ITGB1BP1: variants seen among roughly 807,000 people sequenced by gnomAD.
ITGB1BP1 encodes integrin subunit beta 1 binding protein 1, also known as integrin beta-1-binding protein 1.
ITGB1BP1 carries 20 observed loss-of-function variants against 28.0 expected under a neutral mutation model. That is an observed-to-expected ratio of 0.71 (90% CI 0.50 to 1.04). ITGB1BP1 has a LOEUF of 1.04. ITGB1BP1 is among the 50% of genes least tolerant of loss of function. The pLI is 0.00. For synonymous variants in ITGB1BP1, 103 were observed against 89.5 expected, an observed-to-expected ratio of 1.15 and a Z score of -0.85; for missense variants, 228 against 242.5, an observed-to-expected ratio of 0.94 and a Z score of 0.40.
intron 3 of ITGB1BP1, among the ~76,000 whole-genome samples, chr2:9,413,844 C>T (rs1678773798): frequency 6.6e-6 from 1 of 152,150 alleles, no homozygotes. Context: ...CATCTTCTGC[C>T]ACCCCATTTC....
chr2:9,409,262 G>A (rs1239057932), intron 4 of ITGB1BP1, among the ~76,000 whole-genome samples: 5 of 152,168 alleles, frequency 3.3e-5, no homozygotes, highest in African/African-American at 7.2e-5. Context: ...GGAACCACTC[G>A]CCCACATTAA....
Position 9,423,425 on chromosome 2 carries a change from G to A in ITGB1BP1, c.-88C>T, listed in dbSNP as rs891843017. 2.6e-6 allele frequency: 3 copies of A among 1,145,008 alleles called. No homozygotes were observed. Among genetic ancestry groups the A allele is most frequent in the African/African-American group, 3.4e-5 (2 of 59,240 alleles). The allele number at this position is 1,145,008 out of a possible 1,614,324, so 70.9% of individuals were successfully genotyped here. On this transcript the variant is annotated 5_prime_UTR_variant, in exon 1 of 7. Transcript: ENST00000355346. ...TGCGGACTTCGGGGTCCGCGTGGGA[G>A]TGCCGCGGCCTTTGGCGCCCAGGCA...
At chr2:9,418,840 A>T in intron 1 of ITGB1BP1, 108 bp from the exon 2 acceptor site, 1 of 756,878 alleles carries the variant, frequency 1.3e-6, no homozygotes, top group Non-Finnish European at 2.2e-6. Context: ...GCAGTGGCAC[A>T]AACATGGCTC....
intron 1 of ITGB1BP1, chr2:9,419,931 C>A (rs902492487): frequency 3.1e-5 from 12 of 386,492 alleles, no homozygotes; most frequent in Admixed American, 1.3e-4. Context: ...AATAAGATAA[C>A]CTGATCAATT....
intron 2 of ITGB1BP1, among the ~76,000 whole-genome samples, chr2:9,416,570 C>T (rs1679175585): frequency 6.6e-6 from 1 of 152,204 alleles, no homozygotes; most frequent in Non-Finnish European, 1.5e-5. Context: ...AGATTGCAGA[C>T]TTGCAGCCCC....
chr2:9,406,564 A>C lies in ITGB1BP1; in HGVS notation c.*270T>G, dbSNP rs111827316. The C allele has an allele frequency of 1.0e-4, 41 of 409,358 alleles. No homozygotes were observed. Among genetic ancestry groups the C allele is most frequent in the South Asian group, 5.7e-4 (23 of 40,072 alleles). The allele number at this position is 409,358 out of a possible 1,614,324, so 25.4% of individuals were successfully genotyped here. A position where few individuals can be genotyped will look rare whatever the true frequency, so the allele number is the denominator to read the frequency against. On this transcript the variant is annotated 3_prime_UTR_variant, in exon 7 of 7. Coordinates refer to ENST00000355346, the MANE Select transcript of ITGB1BP1 (RefSeq NM_004763.5). ...CACTGAGTGGACCTCTGTGACACCT[A>C]GGCTTCTGTGACACTTAGGTTAAGC...
Position 9,408,150 on chromosome 2 carries a change from G to A in ITGB1BP1, c.344C>T (p.Ser115Phe). 1 of 1,598,750 alleles carries A rather than the reference G, an allele frequency of 6.3e-7. No individual in the cohort carries two copies. Among genetic ancestry groups the A allele is most frequent in the South Asian group, 1.1e-5 (1 of 90,670 alleles). Residue 115 changes from serine (S) to phenylalanine (F), a missense_variant, in exon 5 of 7, where the codon TCC becomes TTC. This residue lies in a region of ITGB1BP1 where 192 missense variants were observed against 181.6 expected (regional missense o/e 1.06). Coordinates refer to ENST00000355346, the MANE Select transcript of ITGB1BP1 (RefSeq NM_004763.5). ...PPEEEFIMGV[S>F]KYGIKVSTSD... ...TGTTGATACTTTTATGCCATACTTG[G>A]AAACTCCCATAATAAATTCTTCCTC...
At position 9,415,042 on chromosome 2, in the gene ITGB1BP1, G is replaced by A. The variant is rs547658077; in HGVS notation, c.73-786C>T. Among the ~76,000 whole-genome samples, 1 of 151,966 alleles carries A rather than the reference G, an allele frequency of 6.6e-6. No individual in the cohort carries two copies. Among genetic ancestry groups the A allele is most frequent in the South Asian group, 2.1e-4 (1 of 4,818 alleles). On this transcript the variant is annotated intron_variant, in intron 2 of 6. Coordinates refer to ENST00000355346, the MANE Select transcript of ITGB1BP1 (RefSeq NM_004763.5). The surrounding 1 kb of genome is among the most constrained non-coding windows in gnomAD (Gnocchi z 4.1). ...GTGGATCACCTGAGGACAGGAGTTC[G>A]AAACCAGCCTGGCCAACATGGTGAA...
chr2:9,412,787 C>G (rs1034235537), intron 3 of ITGB1BP1: 1 of 158,938 alleles, frequency 6.3e-6, no homozygotes, highest in Non-Finnish European at 1.4e-5. Context: ...CTACGTTGCC[C>G]AGGCTGGTCT....
chr2:9,412,252 G>T lies in ITGB1BP1; in HGVS notation c.288+17C>A, dbSNP rs776137075. 3 of 1,580,576 alleles carry T rather than the reference G, an allele frequency of 1.9e-6. No homozygotes were observed. In the Admixed American group the frequency reaches 5.2e-5, roughly 27 times the overall value. On this transcript the variant is annotated intron_variant, in intron 4 of 6. Transcript: ENST00000355346. ...AGACTCTCATAACCAGAGAGTTACG[G>T]AATTTTTTTTTTTTACCTGGGCAAC...
At position 9,406,085 on chromosome 2, in the gene ITGB1BP1, GTT is replaced by G. The variant is rs1491523449; in HGVS notation, c.*747_*748del. ...CGTCTTCCTCAGGCCTTCAGTGTGT[GTT>G]TGTCACTGAGTGGACCTCTGTGACA... On this transcript the variant is annotated 3_prime_UTR_variant, in exon 7 of 7. Transcript: ENST00000355346. 1.1e-4 allele frequency: 9 copies of G among 79,434 alleles called. No individual in the cohort carries two copies. The highest frequency in any genetic ancestry group is 2.9e-4 in the African/African-American group (6 of 20,696). 4.9% of individuals were successfully genotyped at this position (79,434 alleles called of 1,614,324 possible).
At chr2:9,419,061 G>T (rs1047327066) in intron 1 of ITGB1BP1, among the ~76,000 whole-genome samples, 2 of 152,126 alleles carry the variant, frequency 1.3e-5, no homozygotes, top group Non-Finnish European at 2.9e-5. Flanking sequence ...GCCAGGAAAA[G>T]CAACTTTGAT....
chr2:9,420,743 G>A (rs796222386), intron 1 of ITGB1BP1, among the ~76,000 whole-genome samples: 1 of 152,296 alleles, frequency 6.6e-6, no homozygotes, highest in African/African-American at 2.4e-5. Context: ...TAGTTTAAGA[G>A]GAATACTCTG....
intron 1 of ITGB1BP1, among the ~76,000 whole-genome samples, chr2:9,422,034 T>C (rs1053072117): frequency 5.9e-5 from 9 of 152,166 alleles, no homozygotes; most frequent in African/African-American, 1.9e-4. Context: ...AACTGATGAA[T>C]GTGATGGATC....
rs1677254182 is a variant in ITGB1BP1, at chr2:9,406,030, TGTGTC to T, written c.*799_*803del. 2.1e-5 allele frequency: 3 copies of T among 144,522 alleles called. No individual in the cohort carries two copies. Among genetic ancestry groups the T allele is most frequent in the Non-Finnish European group, 3.1e-5 (2 of 64,508 alleles). The allele number at this position is 144,522 out of a possible 1,614,324, so 9.0% of individuals were successfully genotyped here. Reference sequence around the variant, plus strand: ...CTCAGTCTTCCTCAGGCCTTCAGTGTGTGTCACTGAGTGGACCTCTGTGACATCTC... The same window carrying T: ...CTCAGTCTTCCTCAGGCCTTCAGTGTACTGAGTGGACCTCTGTGACATCTC... On this transcript the variant is annotated 3_prime_UTR_variant, in exon 7 of 7. Coordinates refer to ENST00000355346, the MANE Select transcript of ITGB1BP1 (RefSeq NM_004763.5).
In ITGB1BP1 at chr2:9,423,499, A is replaced by G. The variant is rs991868185; in HGVS notation, c.-162T>C. On this transcript the variant is annotated 5_prime_UTR_variant, in exon 1 of 7. Coordinates refer to ENST00000355346, the MANE Select transcript of ITGB1BP1 (RefSeq NM_004763.5). The stretch of plus-strand genomic sequence containing the variant: ...GCCGGCTTTTCCAGCCCTCCTGCCC[A>G]CGTCCGCCGGGCCGCGCCTCCAAGA... 9.2e-6 allele frequency: 11 copies of G among 1,192,180 alleles called. No homozygotes were observed. In the African/African-American group the frequency reaches 1.1e-4, roughly 12 times the overall value. The allele number at this position is 1,192,180 out of a possible 1,614,324, so 73.9% of individuals were successfully genotyped here.
intron 1 of ITGB1BP1, among the ~76,000 whole-genome samples, chr2:9,418,991 C>A (rs542009911): frequency 1.1e-4 from 16 of 152,222 alleles, no homozygotes; most frequent in African/African-American, 3.9e-4. Flanking sequence ...TGCTCTCAGG[C>A]GATCCTCCCG....
At chr2:9,408,357 G>A in intron 4 of ITGB1BP1, 152 bp from the exon 5 acceptor site, 1 of 597,818 alleles carries the variant, frequency 1.7e-6, no homozygotes, top group South Asian at 2.2e-5. Context: ...CTCTCCCAGA[G>A]GCAGAAGAAA....
rs762375200 is a variant in ITGB1BP1 at position 9,408,248 on chromosome 2, A to AT, written c.289-44dup. 1.1e-5 allele frequency: 13 copies of AT among 1,211,666 alleles called. No homozygotes were observed. In the East Asian group the frequency reaches 2.8e-4, roughly 26 times the overall value. 75.1% of individuals were successfully genotyped at this position (1,211,666 alleles called of 1,614,324 possible). Reference sequence around the variant, plus strand: ...ATTCCATGATAAAGATTAAAATTACATAATAGTCTTAAGTCTGACTAGTCA... The same window carrying AT: ...ATTCCATGATAAAGATTAAAATTACATTAATAGTCTTAAGTCTGACTAGTCA... On this transcript the variant is annotated intron_variant, in intron 4 of 6. Transcript: ENST00000355346.
Sources: gnomAD v4.1 joint callset for allele counts (sites outside exome capture counted in the v4.1 genomes callset) on GRCh38, gnomAD v4.1.1 for gene constraint, gnomAD v4.1.1 regional missense constraint, Gnocchi (gnomAD v3.1) non-coding constraint, MANE v1.5 for transcripts, NCBI Gene and HGNC (gene_info 2026-07-23, HGNC 2026-07-21) for gene names.